MELK: variants seen among roughly 807,000 people sequenced by gnomAD.
MELK encodes the protein pEg3 kinase.
Under a neutral mutation model 85.0 loss-of-function variants are expected in MELK, and 81 were observed. The ratio of observed to expected loss-of-function variants is 0.95; its 90% CI spans 0.80 to 1.15. MELK has a LOEUF of 1.15. Among genes scored for constraint, MELK ranks in the 50% most tolerant of loss-of-function variants. The probability of loss-of-function intolerance (pLI) is 0.00; values close to 1 mark genes in which losing one functional copy is unlikely to be tolerated. For synonymous variants in MELK, 252 were observed against 265.0 expected (o/e 0.95, Z 0.48); for missense variants, 754 against 777.5 (o/e 0.97, Z 0.36).
intron 2 of MELK, among the ~76,000 whole-genome samples, chr9:36,583,042 C>T (rs1033264499): frequency 2.1e-4 from 31 of 150,508 alleles, no homozygotes; most frequent in African/African-American, 6.8e-4. Context: ...GGTGCGATCT[C>T]GGGTCACTGC....
chr9:36,573,957 C>T (rs1293354517), intron 1 of MELK, among the ~76,000 whole-genome samples: 2 of 151,946 alleles, frequency 1.3e-5, no homozygotes, highest in African/African-American at 4.8e-5. Context: ...GCACTTAGGA[C>T]GGGTAATTAC....
intron 5 of MELK, among the ~76,000 whole-genome samples, chr9:36,595,221 C>T (rs937119440): frequency 7.9e-5 from 12 of 151,068 alleles, no homozygotes; most frequent in Admixed American, 2.0e-4. Context: ...CTGCAAGCTC[C>T]GCCTCCTGGG....
chr9:36,654,012 A>C (rs1266516749), intron 12 of MELK, among the ~76,000 whole-genome samples: 1 of 31,188 alleles, frequency 3.2e-5, no homozygotes, highest in Non-Finnish European at 6.5e-5. Context: ...AAATCTCTGA[A>C]GGGAGATATC....
At chr9:36,657,890 T>C (rs1831413478) in intron 13 of MELK, among the ~76,000 whole-genome samples, 1 of 152,206 alleles carries the variant, frequency 6.6e-6, no homozygotes, top group Admixed American at 6.5e-5. Flanking sequence ...GCCTTCTTTT[T>C]TGTTTAAAAT....
intron 13 of MELK, 129 bp from the exon 14 acceptor site, chr9:36,665,221 A>G (rs1488234530): frequency 1.6e-6 from 1 of 625,218 alleles, no homozygotes; most frequent in East Asian, 2.8e-5. Context: ...TCCTAATGTC[A>G]ATAATATCCT....
At chr9:36,609,683 CTCAAGTGA>C (rs1825905916) in intron 8 of MELK, among the ~76,000 whole-genome samples, 1 of 152,084 alleles carries the variant, frequency 6.6e-6, no homozygotes, top group African/African-American at 2.4e-5. Context: ...AACTCCTGTG[CTCAAGTGA>C]TCCTCCCACC....
intron 10 of MELK, among the ~76,000 whole-genome samples, chr9:36,635,808 T>C (rs1238233670): frequency 4.6e-5 from 7 of 151,004 alleles, no homozygotes; most frequent in Non-Finnish European, 4.4e-5. Context: ...CTTTTTTTTT[T>C]TTTTTTGAGA....
chr9:36,626,464 G>T (rs528844940), intron 8 of MELK, among the ~76,000 whole-genome samples: 1 of 152,316 alleles, frequency 6.6e-6, no homozygotes, highest in East Asian at 1.9e-4. Flanking sequence ...TAGCTTAAAA[G>T]AAGTTAGTCA....
Position 36,645,301 on chromosome 9 carries a change from C to T in MELK, c.921+2218C>T, listed in dbSNP as rs1399446117. Among the ~76,000 whole-genome samples the T allele has an allele frequency of 2.7e-5, 4 of 149,578 alleles. 1 individual carries two copies. The highest frequency in any genetic ancestry group is 3.9e-4 in the East Asian group (2 of 5,138). On this transcript the variant is annotated intron_variant, in intron 11 of 17. Coordinates refer to ENST00000298048, the MANE Select transcript of MELK (RefSeq NM_014791.4). ...GTAACATATTTAGAGTTTCAATAAT[C>T]ATTGAAAAAGTCTTTAAAATGGTAT...
rs5897643 is a variant in MELK at position 36,666,853 on chromosome 9, T to TTGTGTGTGTG, written c.1408+1317_1408+1326dup. Among the ~76,000 whole-genome samples the TTGTGTGTGTG allele has an allele frequency of 1.9e-3, 243 of 130,824 alleles. 3 individuals carry two copies. The highest frequency in any genetic ancestry group is 2.3e-3 in the Non-Finnish European group (141 of 61,292). The allele number at this position is 130,824 out of a possible 152,430, so 85.8% of individuals were successfully genotyped here. On this transcript the variant is annotated intron_variant, in intron 14 of 17. Transcript: ENST00000298048. ...TTTGGTGTCCTGATGATGTCTGTGT[T>TTGTGTGTGTG]TGTGTGTGTGTGTGTGTGTGTGTGT...
At chr9:36,662,495 C>T (rs892623802) in intron 13 of MELK, among the ~76,000 whole-genome samples, 4 of 151,990 alleles carry the variant, frequency 2.6e-5, no homozygotes, top group Admixed American at 1.3e-4. Flanking sequence ...CCACCTGCCT[C>T]GGCCTCCCAA....
At chr9:36,575,910 C>T (rs1821608352) in intron 1 of MELK, among the ~76,000 whole-genome samples, 1 of 152,032 alleles carries the variant, frequency 6.6e-6, no homozygotes, top group Non-Finnish European at 1.5e-5. Flanking sequence ...TCTCTTTTTT[C>T]TTCTGTATCA....
chr9:36,619,053 G>C (rs1379594749), intron 8 of MELK, among the ~76,000 whole-genome samples: 1 of 151,400 alleles, frequency 6.6e-6, no homozygotes, highest in Non-Finnish European at 1.5e-5. Context: ...CCGCCTCCCA[G>C]GTTCAAGCAA....
intron 5 of MELK, 119 bp downstream of exon 5, chr9:36,594,890 C>A: frequency 8.6e-7 from 1 of 1,156,550 alleles, no homozygotes; most frequent in Non-Finnish European, 1.2e-6. Flanking sequence ...GTTGTTGCTC[C>A]AGTCATACCT....
chr9:36,637,127 C>T (rs561636284), intron 10 of MELK, among the ~76,000 whole-genome samples: 16 of 151,874 alleles, frequency 1.1e-4, no homozygotes, highest in African/African-American at 2.4e-4. Context: ...CCACTGCACC[C>T]GGCCAGCAAC....
chr9:36,577,895 C>T (rs1283951681), intron 1 of MELK, among the ~76,000 whole-genome samples: 4 of 152,022 alleles, frequency 2.6e-5, no homozygotes, highest in African/African-American at 4.8e-5. Context: ...TCAGGTGATC[C>T]GCCTGCCTCA....
intron 15 of MELK, among the ~76,000 whole-genome samples, chr9:36,670,326 GA>G (rs1282445504): frequency 1.3e-5 from 2 of 152,008 alleles, no homozygotes; most frequent in Non-Finnish European, 2.9e-5. Context: ...TCTCCAACCA[GA>G]AAAATTTCAG....
rs1564153588 is a variant in MELK, at chr9:36,607,554, C to T, written c.568-21C>T. ...TTGAATTTTTGTTTCAGTAATTTTT[C>T]TTTTTCCCTCTTTCTCTCAGGCAGA... On this transcript the variant is annotated intron_variant, in intron 7 of 17. Transcript: ENST00000298048. 3.9e-6 allele frequency: 6 copies of T among 1,556,222 alleles called. No individual in the cohort carries two copies. In the East Asian group the frequency reaches 1.3e-4, roughly 35 times the overall value.
At chr9:36,610,886 G>T (rs1826001247) in intron 8 of MELK, among the ~76,000 whole-genome samples, 1 of 151,926 alleles carries the variant, frequency 6.6e-6, no homozygotes, top group Non-Finnish European at 1.5e-5. Context: ...TGTAAAGTAG[G>T]GCTGTGTTTT....
Sources: gnomAD v4.1 joint callset for allele counts (sites outside exome capture counted in the v4.1 genomes callset) on GRCh38, gnomAD v4.1.1 for gene constraint, MANE v1.5 for transcripts, NCBI Gene and HGNC (gene_info 2026-07-23, HGNC 2026-07-21) for gene names.